The following POLG variants were observed in gnomAD, a reference collection of about 807,000 sequenced individuals.
The protein encoded by POLG is DNA polymerase gamma, catalytic subunit.
Under a neutral mutation model 155.4 loss-of-function variants are expected in POLG, and 110 were observed. That is an observed-to-expected ratio of 0.71 (90% CI 0.61 to 0.83). The LOEUF (loss-of-function observed/expected upper bound fraction) is 0.83. Among genes scored for constraint, POLG ranks in the 40% least tolerant of loss-of-function variants. POLG has a pLI of 0.00. For synonymous variants in POLG, 701 were observed against 631.5 expected (o/e 1.11, Z -1.65); for missense variants, 1,685 against 1,627.5 (o/e 1.04, Z -0.61).
chr15:89,322,129 G>T, intron 14 of POLG, 114 bp from the exon 15 acceptor site: 1 of 1,000,484 alleles, frequency 1.0e-6, no homozygotes, highest in Non-Finnish European at 1.6e-6. Context: ...CCATTACCCA[G>T]CCTCACTAAC....
At chr15:89,332,643 A>C (rs1351486054) in intron 2 of POLG, among the ~76,000 whole-genome samples, 2 of 151,384 alleles carry the variant, frequency 1.3e-5, no homozygotes, top group African/African-American at 4.9e-5. Flanking sequence ...GTTTATGGGA[A>C]AGGCTGGGGA....
At chr15:89,332,253 T>A (rs1209300777) in intron 2 of POLG, 1 of 152,238 alleles carries the variant, frequency 6.6e-6, no homozygotes, top group Non-Finnish European at 1.5e-5. Flanking sequence ...CATTTTCAAC[T>A]GCATATTTAA....
rs1277535570 is a variant in POLG, at chr15:89,323,904, G to A, written c.2071-3C>T. 6.2e-7 allele frequency: 1 copy of A among 1,612,090 alleles called. No individual in the cohort carries two copies. Among genetic ancestry groups the A allele is most frequent in the Non-Finnish European group, 8.5e-7 (1 of 1,178,110 alleles). ...TCTAAGTAATCCAGTTCTTCTACCT[G>A]GAGCAGTCCAAGGACCAAAGTAGTG... On this transcript the variant is annotated splice_region_variant and splice_polypyrimidine_tract_variant and intron_variant, in intron 11 of 22. Transcript: ENST00000268124.
Position 89,327,200 on chromosome 15 carries a change from G to T in POLG, c.1400C>A (p.Ala467Asp). The stretch of plus-strand genomic sequence containing the variant: ...TGAGAGCAGCTGGCAGGCATCATTG[G>T]CCAGATCCATCAACGACTTCTTCAT... ...REMKKSLMDLANDACQLLSGE... is the reference protein window; with the variant it reads ...REMKKSLMDLDNDACQLLSGE... Residue 467 changes from alanine to aspartate, a missense_variant, in exon 7 of 23, where the codon GCC (alanine) becomes GAC (aspartate). Transcript: ENST00000268124. 6.2e-7 allele frequency: 1 copy of T among 1,614,222 alleles called. No homozygotes were observed.
rs1359471975 is a variant in POLG, at chr15:89,325,224, G to A, written c.1949+226C>T. On this transcript the variant is annotated intron_variant, in intron 10 of 22. Transcript: ENST00000268124. ...TGAGTGAGAGAGTGAGTGAGTGAGA[G>A]AGTGAGTGAGAGAGTGAGTGAGTGA... is the stretch of plus-strand genomic sequence containing the variant. 6.2e-4 allele frequency among the ~76,000 whole-genome samples: 37 copies of A among 59,756 alleles called. 10 individuals carry two copies. Among genetic ancestry groups the A allele is most frequent in the African/African-American group, 2.1e-3 (36 of 17,300 alleles). The allele number at this position is 59,756 out of a possible 152,430, so 39.2% of individuals were successfully genotyped here.
Position 89,326,695 on chromosome 15 carries a change from G to A in POLG, c.1629C>T (p.Val543=), listed in dbSNP as rs56349446. 6.2e-6 allele frequency: 10 copies of A among 1,614,042 alleles called. No homozygotes were observed. In the East Asian group the frequency reaches 6.7e-5, roughly 11 times the overall value. The part of the protein sequence containing the change: ...CSEEEEFQQD[V]MARACLQKLK... ...GCTTCTGCAAGCAGGCGCGGGCCAT[G>A]ACATCTTGTTGAAACTCCTCCTCCT... Residue 543 remains valine, a synonymous_variant, in exon 9 of 23, where the codon GTC becomes GTT. Coordinates refer to ENST00000268124, the MANE Select transcript of POLG (RefSeq NM_002693.3).
At chr15:89,323,559 T>TCAG (rs1271530594) in intron 12 of POLG, 48 bp from the exon 13 acceptor site, 1 of 1,230,030 alleles carries the variant, frequency 8.1e-7, no homozygotes, top group African/African-American at 1.5e-5. Context: ...GCACCTGCAT[T>TCAG]CAGCAAGGGC....
In POLG at chr15:89,328,669, C is replaced by T. The variant is rs770920449; in HGVS notation, c.1170+16G>A. 1.2e-6 allele frequency: 2 copies of T among 1,613,968 alleles called. No homozygotes were observed. The highest frequency in any genetic ancestry group is 3.3e-5 in the Admixed American group (2 of 60,026). On this transcript the variant is annotated intron_variant, in intron 5 of 22. Coordinates refer to ENST00000268124, the MANE Select transcript of POLG (RefSeq NM_002693.3). ...TGCCACAGCCCATGTCCCCAGAGCC[C>T]CCTCCAGCACCATACCTGGAAGTTC...
intron 10 of POLG, among the ~76,000 whole-genome samples, chr15:89,325,097 T>G (rs12903570): frequency 8.5e-5 from 3 of 35,230 alleles, no homozygotes; most frequent in African/African-American, 3.0e-4. Context: ...AGTGAGTGAG[T>G]GAGAGAGTGA....
Position 89,322,910 on chromosome 15 carries a change from G to C in POLG, c.2266-8C>G. ...ATTACAGCTATTACCATCCTGGACAGAGCAAAGGAAGCAGGGGCTGGAGGC... is the reference window on the plus strand; with the variant it reads ...ATTACAGCTATTACCATCCTGGACACAGCAAAGGAAGCAGGGGCTGGAGGC... On this transcript the variant is annotated splice_polypyrimidine_tract_variant and splice_region_variant and intron_variant, in intron 13 of 22. Coordinates refer to ENST00000268124, the MANE Select transcript of POLG (RefSeq NM_002693.3). 3.1e-6 allele frequency: 5 copies of C among 1,611,148 alleles called. No individual in the cohort carries two copies. The highest frequency in any genetic ancestry group is 4.2e-6 in the Non-Finnish European group (5 of 1,178,814).
chr15:89,320,530 A>G (rs960716971), intron 18 of POLG, among the ~76,000 whole-genome samples: 4 of 152,262 alleles, frequency 2.6e-5, no homozygotes, highest in Admixed American at 2.0e-4. Flanking sequence ...TGGTAACAGT[A>G]TACCAAAAGT....
chr15:89,325,167 TGAGAGAGTGA>T (rs1375943054), intron 10 of POLG, among the ~76,000 whole-genome samples: 2 of 38,572 alleles, frequency 5.2e-5, no homozygotes, highest in East Asian at 8.4e-4. Context: ...AGTGAGTGAG[TGAGAGAGTGA>T]GAGAGTGAGT....
chr15:89,325,067 A>G lies in POLG; in HGVS notation c.1949+383T>C, dbSNP rs1300689797. 1.1e-4 allele frequency among the ~76,000 whole-genome samples: 12 copies of G among 106,060 alleles called. 3 individuals carry two copies. The highest frequency in any genetic ancestry group is 5.0e-4 in the African/African-American group (12 of 24,050). The allele number at this position is 106,060 out of a possible 152,430, so 69.6% of individuals were successfully genotyped here. A position where few individuals can be genotyped will look rare whatever the true frequency, so the allele number is the denominator to read the frequency against. On this transcript the variant is annotated intron_variant, in intron 10 of 22. Transcript: ENST00000268124. ...GAGTGAGTGAGTGAGAGAGTGAGTG[A>G]GTGAGTGAGTGAGTGAGAGAGTGAG...
In POLG at chr15:89,318,982, C is replaced by A. The variant is rs746773616; in HGVS notation, c.3222G>T (p.Val1074=). The A allele has an allele frequency of 5.9e-5, 95 of 1,614,058 alleles. No homozygotes were observed. The highest frequency in any genetic ancestry group is 7.6e-5 in the Non-Finnish European group (90 of 1,180,042). ...IATSDIPRTP[V]LGCCISRALE... is the part of the protein sequence containing the mutation. ...GGGCTCGGCTGATGCAGCAGCCCAG[C>A]ACCGGGGTACGTGGTATGTCAGACG... Residue 1074 remains valine, a synonymous_variant, in exon 20 of 23, where the codon GTG becomes GTT. Transcript: ENST00000268124.
Position 89,317,440 on chromosome 15 carries a change from C to T in POLG, c.3579G>A (p.Val1193=). 1 of 1,614,104 alleles carries T rather than the reference C, an allele frequency of 6.2e-7. No homozygotes were observed. Among genetic ancestry groups the T allele is most frequent in the East Asian group, 2.2e-5 (1 of 44,882 alleles). ...TGGAAGGGGTTTTACAATCCATGGT[C>T]ACTTCCTTCCTGAGGCACCGGTCAA... The part of the protein sequence containing the change: ...VDIDRCLRKE[V]TMDCKTPSNP... The change falls in exon 22 of 23, where the codon GTG becomes GTA. Residue 1193 remains valine, a synonymous_variant. Coordinates refer to ENST00000268124, the MANE Select transcript of POLG (RefSeq NM_002693.3).
chr15:89,334,619 G>A (rs1363698140), intron 1 of POLG, 54 bp downstream of exon 1: 1 of 152,464 alleles, frequency 6.6e-6, no homozygotes, highest in Non-Finnish European at 1.5e-5. Context: ...GAGAGGGAGG[G>A]GCCGCGCCGT....
intron 10 of POLG, among the ~76,000 whole-genome samples, chr15:89,324,531 G>A (rs1044086896): frequency 1.3e-5 from 2 of 152,226 alleles, no homozygotes; most frequent in Admixed American, 6.5e-5. Context: ...CAGGACCCAA[G>A]GCCCAGCTGC....
intron 22 of POLG, 45 bp from the exon 23 acceptor site, chr15:89,316,872 T>A (rs748268294): frequency 7.3e-7 from 1 of 1,378,238 alleles, no homozygotes; most frequent in Non-Finnish European, 1.0e-6. Context: ...TCAAGAACTG[T>A]AACTGAGAGC....
In POLG at chr15:89,318,589, T is replaced by C; in HGVS notation, c.3434A>G (p.Asp1145Gly). ...CAAGGCCAGGGCAGCGCGGTAGCGG[T>C]CCTCCTCCCGCACCAGGTAGCGAAC... The part of the protein sequence containing the change: ...DEVRYLVREE[D>G]RYRAALALQI... The change falls in exon 21 of 23, where the codon GAC becomes GGC. Residue 1145 changes from aspartate to glycine, a missense_variant. By Grantham distance (94) the Asp-to-Gly change is moderately conservative. Transcript: ENST00000268124. The C allele has an allele frequency of 6.2e-7, 1 of 1,614,052 alleles. No homozygotes were observed. The highest frequency in any genetic ancestry group is 8.5e-7 in the Non-Finnish European group (1 of 1,180,040).
Sources: allele counts gnomAD v4.1 joint callset (sites outside exome capture counted in the v4.1 genomes callset), GRCh38; gene constraint gnomAD v4.1.1; transcripts MANE v1.5; gene names NCBI Gene and HGNC (gene_info 2026-07-23, HGNC 2026-07-21).